The following CENPW variants were observed in gnomAD, a reference collection of about 807,000 sequenced individuals.
CENPW encodes the protein centromere protein W.
Under a neutral mutation model 11.1 loss-of-function variants are expected in CENPW, and 3 were observed. The ratio of observed to expected loss-of-function variants is 0.27; its 90% CI spans 0.12 to 0.70. The LOEUF (loss-of-function observed/expected upper bound fraction) is 0.70, where lower values mean the gene tolerates loss of function less well. CENPW is among the 30% of genes least tolerant of loss of function. CENPW has a pLI of 0.77. For synonymous variants in CENPW, 38 were observed against 42.0 expected (o/e 0.91, Z 0.37); for missense variants, 100 against 105.6 (o/e 0.95, Z 0.23).
chr6:126,437,018 C>CTT, the CENPW span, among the ~76,000 whole-genome samples: 1 of 144,238 alleles, frequency 6.9e-6, no homozygotes, highest in African/African-American at 2.5e-5. Context: ...GGCATTGAAG[C>CTT]TTTTTTTTTT....
the CENPW span, among the ~76,000 whole-genome samples, chr6:126,376,950 C>T: frequency 7.9e-5 from 12 of 152,144 alleles, 1 homozygote; most frequent in Non-Finnish European, 1.8e-4. Flanking sequence ...TGAATTCATC[C>T]TGTGTGCATA....
At chr6:126,345,398 A>G (rs947795840) in intron 1 of CENPW, among the ~76,000 whole-genome samples, 33 of 152,078 alleles carry the variant, frequency 2.2e-4, no homozygotes, top group African/African-American at 7.5e-4. Context: ...TGGGGAATAT[A>G]CTTATTTTTG....
chr6:126,469,146 C>T, the CENPW span, among the ~76,000 whole-genome samples: 6 of 152,126 alleles, frequency 3.9e-5, no homozygotes, highest in Non-Finnish European at 7.4e-5. Flanking sequence ...TGTGTCCCCA[C>T]CCAAATCTCA....
chr6:126,390,921 C>T, the CENPW span, among the ~76,000 whole-genome samples: 1 of 151,896 alleles, frequency 6.6e-6, no homozygotes, highest in African/African-American at 2.4e-5. Context: ...GTAAATAGTG[C>T]TGCATTTAAC....
chr6:126,356,182 C>G, the CENPW span, among the ~76,000 whole-genome samples: 1 of 152,140 alleles, frequency 6.6e-6, no homozygotes, highest in African/African-American at 2.4e-5. Flanking sequence ...AGAAAGCTGA[C>G]ATGGATAATA....
At chr6:126,443,236 G>T in the CENPW span, among the ~76,000 whole-genome samples, 7 of 151,136 alleles carry the variant, frequency 4.6e-5, no homozygotes, top group African/African-American at 1.7e-4. Flanking sequence ...TGTATCTTGA[G>T]TCTCTATTGA....
the CENPW span, among the ~76,000 whole-genome samples, chr6:126,416,194 C>T: frequency 6.6e-6 from 1 of 152,162 alleles, no homozygotes. Context: ...AAGAGACTGG[C>T]AGCATTTTGC....
the CENPW span, among the ~76,000 whole-genome samples, chr6:126,438,979 T>C: frequency 6.6e-6 from 1 of 151,748 alleles, no homozygotes; most frequent in South Asian, 2.1e-4. Flanking sequence ...AGAGTATACA[T>C]TGGTAATTTA....
rs767524679 is a variant in CENPW, at chr6:126,346,310, G to A, written c.232G>A (p.Ala78Thr). ...CATTAACAAGGAGCATGTACTGGCCGCAGCAAAGGTAAAATCCAAATTTCT... is the reference window on the plus strand; with the variant it reads ...CATTAACAAGGAGCATGTACTGGCCACAGCAAAGGTAAAATCCAAATTTCT... ...RVINKEHVLA[A>T]AKVILKKSRG Residue 78 changes from alanine (A) to threonine (T), a missense_variant, in exon 2 of 3, where the codon GCA becomes ACA. Ala to Thr is a moderately conservative substitution (Grantham distance 58). Transcript: ENST00000368328. The A allele has an allele frequency of 2.3e-5, 36 of 1,579,648 alleles. No individual in the cohort carries two copies. In the South Asian group the frequency reaches 2.9e-4, roughly 13 times the overall value.
the CENPW span, among the ~76,000 whole-genome samples, chr6:126,419,328 G>T: frequency 2.0e-5 from 3 of 152,038 alleles, no homozygotes; most frequent in African/African-American, 7.2e-5. Flanking sequence ...AAAGCATAAA[G>T]GTTTGATGTC....
the CENPW span, among the ~76,000 whole-genome samples, chr6:126,400,590 T>G: frequency 6.6e-6 from 1 of 152,112 alleles, no homozygotes; most frequent in South Asian, 2.1e-4. Flanking sequence ...CAATTAAATT[T>G]AAAAATTTAT....
chr6:126,411,872 C>G, the CENPW span, among the ~76,000 whole-genome samples: 1 of 151,070 alleles, frequency 6.6e-6, no homozygotes, highest in Non-Finnish European at 1.5e-5. Flanking sequence ...TCCTTTTTTC[C>G]TTCCTTCCGT....
chr6:126,437,887 G>T, the CENPW span, among the ~76,000 whole-genome samples: 66,162 of 151,480 alleles, frequency 0.44, 16,619 homozygotes, highest in East Asian at 0.97. Context: ...AGAAAACATT[G>T]TGCCAATTGT....
At chr6:126,416,957 C>T in the CENPW span, among the ~76,000 whole-genome samples, 3 of 152,106 alleles carry the variant, frequency 2.0e-5, 1 homozygote, top group Admixed American at 2.0e-4. Context: ...TCTTCCAGAC[C>T]CCAAAATTGT....
chr6:126,369,811 G>T, the CENPW span, among the ~76,000 whole-genome samples: 1 of 152,140 alleles, frequency 6.6e-6, no homozygotes, highest in Non-Finnish European at 1.5e-5. Context: ...TGTTGCATTT[G>T]CATTTGCTTT....
intron 1 of CENPW, 54 bp downstream of exon 1, chr6:126,340,453 A>G: frequency 6.2e-7 from 1 of 1,613,830 alleles, no homozygotes; most frequent in Non-Finnish European, 8.5e-7. Context: ...AGGTAAGGGC[A>G]ATAACCTTAA....
the CENPW span, among the ~76,000 whole-genome samples, chr6:126,401,196 A>G: frequency 1.3e-5 from 2 of 152,124 alleles, no homozygotes; most frequent in African/African-American, 4.8e-5. Context: ...GAATCAGTTT[A>G]GCCAGCAATT....
the CENPW span, among the ~76,000 whole-genome samples, chr6:126,381,071 C>CT: frequency 4.6e-5 from 7 of 152,228 alleles, no homozygotes; most frequent in Admixed American, 2.0e-4. Flanking sequence ...CAGGTGATGT[C>CT]TAACTACTCT....
At chr6:126,416,243 A>C in the CENPW span, among the ~76,000 whole-genome samples, 1 of 152,182 alleles carries the variant, frequency 6.6e-6, no homozygotes. Flanking sequence ...AAATTGAGAG[A>C]GATGATTTAG....
Sources: gnomAD v4.1 joint callset for allele counts (sites outside exome capture counted in the v4.1 genomes callset) on GRCh38, gnomAD v4.1.1 for gene constraint, MANE v1.5 for transcripts, NCBI Gene and HGNC (gene_info 2026-07-23, HGNC 2026-07-21) for gene names.